ADGRB3: variants seen among roughly 807,000 people sequenced by gnomAD.
ADGRB3 encodes the protein adhesion G protein-coupled receptor B3.
Under a neutral mutation model 193.4 loss-of-function variants are expected in ADGRB3, and 37 were observed. The observed-to-expected ratio is 0.19, with a 90% CI of 0.15 to 0.25. The LOEUF (loss-of-function observed/expected upper bound fraction) is 0.25. Among genes scored for constraint, ADGRB3 ranks in the 10% least tolerant of loss-of-function variants. ADGRB3 has a pLI of 1.00. For missense variants in ADGRB3, 1,637 were observed against 1,852.9 expected (o/e 0.88, Z 2.14); for synonymous variants, 690 against 644.2 (o/e 1.07, Z -1.08).
intron 3 of ADGRB3, among the ~76,000 whole-genome samples, chr6:68,752,393 C>T (rs1002197355): frequency 1.3e-5 from 2 of 151,458 alleles, no homozygotes; most frequent in African/African-American, 4.9e-5. Context: ...TCTTCTGCCT[C>T]GGCCTCCTGA....
intron 3 of ADGRB3, among the ~76,000 whole-genome samples, chr6:68,698,903 G>A (rs1332544401): frequency 6.6e-6 from 1 of 151,922 alleles, no homozygotes. Flanking sequence ...TAATAGGTAG[G>A]TCTAGGCATA....
Position 68,752,864 on chromosome 6 carries a change from T to C in ADGRB3, c.757+113432T>C, listed in dbSNP as rs77192578. 1.1e-3 allele frequency among the ~76,000 whole-genome samples: 172 copies of C among 152,300 alleles called. 4 individuals are homozygous for C. The East Asian group carries it at 0.033, about 29-fold the overall frequency. On this transcript the variant is annotated intron_variant, in intron 3 of 31. Transcript: ENST00000370598. Reference sequence around the variant, plus strand: ...GAGATATTTCAGTGATGGGAAAAATTGTAAGCAAACTAACTTCAAAAATTC... The same window carrying C: ...GAGATATTTCAGTGATGGGAAAAATCGTAAGCAAACTAACTTCAAAAATTC...
intron 3 of ADGRB3, among the ~76,000 whole-genome samples, chr6:68,774,965 CA>C (rs1766710136): frequency 6.6e-6 from 1 of 151,872 alleles, no homozygotes; most frequent in Non-Finnish European, 1.5e-5. Flanking sequence ...TTCTGGAAGA[CA>C]ACATTTTATT....
chr6:68,943,920 C>A lies in ADGRB3; in HGVS notation c.1121C>A (p.Pro374His). 6.2e-7 allele frequency: 1 copy of A among 1,613,928 alleles called. No homozygotes were observed. Among genetic ancestry groups the A allele is most frequent in the Non-Finnish European group, 8.5e-7 (1 of 1,179,846 alleles). ...GQRTRTRSCT[P>H]PQYGGRPCEG... ...AGAACAAGAACAAGGTCATGCACACCTCCTCAGTATGGAGGAAGGCCGTGT... is the reference window on the plus strand; with the variant it reads ...AGAACAAGAACAAGGTCATGCACACATCCTCAGTATGGAGGAAGGCCGTGT... The change falls in exon 6 of 32, where the codon CCT becomes CAT. Residue 374 changes from proline to histidine, a missense_variant. Pro to His is a moderately conservative substitution (Grantham distance 77, BLOSUM62 -2). This residue lies in a region of ADGRB3 where 641 missense variants were observed against 673.9 expected (regional missense o/e 0.95). Coordinates refer to ENST00000370598, the MANE Select transcript of ADGRB3 (RefSeq NM_001704.3).
intron 3 of ADGRB3, among the ~76,000 whole-genome samples, chr6:68,676,366 G>C (rs1043133587): frequency 6.8e-6 from 1 of 146,064 alleles, no homozygotes; most frequent in South Asian, 2.2e-4. Context: ...ACTCCAGCCT[G>C]GCGACAGAGA....
At chr6:69,070,662 T>A (rs542416901) in intron 16 of ADGRB3, among the ~76,000 whole-genome samples, 1 of 152,328 alleles carries the variant, frequency 6.6e-6, no homozygotes, top group Non-Finnish European at 1.5e-5. Flanking sequence ...ATTATTAAAA[T>A]GCAGATTTCT....
intron 11 of ADGRB3, among the ~76,000 whole-genome samples, chr6:69,009,623 CCTATGTTAT>C (rs1209598767): frequency 6.6e-6 from 1 of 152,130 alleles, no homozygotes; most frequent in Non-Finnish European, 1.5e-5. Context: ...AATGATCTAT[CCTATGTTAT>C]GCATCCTTAT....
At chr6:68,644,014 CA>C (rs201482144) in intron 3 of ADGRB3, among the ~76,000 whole-genome samples, 3,037 of 148,818 alleles carry the variant, frequency 0.02, 91 homozygotes, top group African/African-American at 0.07. Context: ...AAACAAACAA[CA>C]AACAAAAAAA....
At chr6:68,996,351 C>T (rs1426812314) in intron 11 of ADGRB3, among the ~76,000 whole-genome samples, 1 of 152,130 alleles carries the variant, frequency 6.6e-6, no homozygotes. Context: ...TGTTTACCTA[C>T]ATCCCTAGCA....
At chr6:69,103,036 A>G (rs938988256) in intron 17 of ADGRB3, among the ~76,000 whole-genome samples, 1 of 152,192 alleles carries the variant, frequency 6.6e-6, no homozygotes, top group East Asian at 1.9e-4. Flanking sequence ...AAGAAAAACT[A>G]TGCTTGGAAT....
At chr6:69,219,461 G>GTATATATAATATATATATA (rs1765842961) in intron 17 of ADGRB3, among the ~76,000 whole-genome samples, 1 of 98,952 alleles carries the variant, frequency 1.0e-5, no homozygotes, top group Non-Finnish European at 2.2e-5. Context: ...ACACACACAC[G>GTATATATAATATATATATA]TATATATATA....
intron 21 of ADGRB3, 71 bp from the exon 22 acceptor site, chr6:69,327,749 T>C: frequency 7.4e-7 from 1 of 1,345,548 alleles, no homozygotes; most frequent in Non-Finnish European, 1.0e-6. Flanking sequence ...GAGTTTGTTC[T>C]GGCTTTTCTT....
At position 69,336,275 on chromosome 6, in the gene ADGRB3, T is replaced by G. The variant is rs545002016; in HGVS notation, c.3189-2641T>G. 2.0e-5 allele frequency among the ~76,000 whole-genome samples: 3 copies of G among 152,128 alleles called. No individual in the cohort carries two copies. In the East Asian group the frequency reaches 5.8e-4, roughly 29 times the overall value. ...AAATGGCATGTATATTTTTAGAACA[T>G]CTTAAGCAGAAAATTTAAGTTTCTC... On this transcript the variant is annotated intron_variant, in intron 24 of 31. Coordinates refer to ENST00000370598, the MANE Select transcript of ADGRB3 (RefSeq NM_001704.3).
chr6:69,095,926 T>A (rs1341668834), intron 17 of ADGRB3, among the ~76,000 whole-genome samples: 4 of 152,190 alleles, frequency 2.6e-5, no homozygotes, highest in Non-Finnish European at 5.9e-5. Context: ...ATTTCTTTGA[T>A]AATATTGTAT....
intron 8 of ADGRB3, among the ~76,000 whole-genome samples, chr6:68,958,714 T>C (rs1288407404): frequency 1.3e-5 from 2 of 152,044 alleles, no homozygotes; most frequent in East Asian, 1.9e-4. Flanking sequence ...ATTTTTGTTA[T>C]TATTAACATT....
chr6:68,792,708 C>T (rs1227580719), intron 3 of ADGRB3, among the ~76,000 whole-genome samples: 2 of 152,088 alleles, frequency 1.3e-5, no homozygotes, highest in African/African-American at 4.8e-5. Flanking sequence ...TTTTAATATA[C>T]GGAGTCTAAA....
Position 69,354,265 on chromosome 6 carries a change from C to T in ADGRB3, c.3492C>T (p.Asn1164=), listed in dbSNP as rs750367263. ...ATGCATTTAGATGCCGATTGAGAAA[C>T]TGTCAGGATCCCATCAATGCAGATT... ...VQDAFRCRLR[N]CQDPINADSS... Residue 1164 remains asparagine (N), a synonymous_variant, in exon 27 of 32, where the codon AAC becomes AAT. Transcript: ENST00000370598. The T allele has an allele frequency of 1.9e-6, 3 of 1,613,900 alleles. No individual in the cohort carries two copies. Among genetic ancestry groups the T allele is most frequent in the Non-Finnish European group, 2.5e-6 (3 of 1,179,950 alleles).
At chr6:68,647,633 A>T (rs1768248116) in intron 3 of ADGRB3, among the ~76,000 whole-genome samples, 1 of 152,210 alleles carries the variant, frequency 6.6e-6, no homozygotes, top group Non-Finnish European at 1.5e-5. Context: ...CTAATAATAC[A>T]CGACTTAGAT....
chr6:68,676,249 G>A (rs1243113113), intron 3 of ADGRB3, among the ~76,000 whole-genome samples: 1 of 151,808 alleles, frequency 6.6e-6, no homozygotes, highest in Non-Finnish European at 1.5e-5. Flanking sequence ...AATATTAGCT[G>A]GGCGTGGTGG....
Sources: allele counts gnomAD v4.1 joint callset (sites outside exome capture counted in the v4.1 genomes callset), GRCh38; gene constraint gnomAD v4.1.1; regional missense constraint gnomAD v4.1.1; transcripts MANE v1.5; gene names NCBI Gene and HGNC (gene_info 2026-07-23, HGNC 2026-07-21).